Variants in USH1C observed in about 807,000 individuals in gnomAD.
USH1C encodes USH1 protein network component harmonin, also known as harmonin.
USH1C carries 90 observed loss-of-function variants against 119.3 expected under a neutral mutation model. The observed-to-expected ratio is 0.75, with a 90% CI of 0.64 to 0.90. The LOEUF is 0.90. USH1C is among the 40% of genes least tolerant of loss of function. USH1C has a pLI of 0.00. For synonymous variants in USH1C, 465 were observed against 443.3 expected (o/e 1.05, Z -0.62); for missense variants, 1,165 against 1,167.7 (o/e 1.00, Z 0.03).
intron 1 of USH1C, among the ~76,000 whole-genome samples, chr11:17,541,385 A>G (rs988714246): frequency 3.3e-5 from 5 of 152,200 alleles, no homozygotes; most frequent in African/African-American, 1.2e-4. Flanking sequence ...TTTATTGCCT[A>G]TGTGAATAAA....
intron 17 of USH1C, 93 bp downstream of exon 17, chr11:17,510,312 G>T (rs1373792826): frequency 1.9e-6 from 2 of 1,035,370 alleles, no homozygotes; most frequent in African/African-American, 1.6e-5. Flanking sequence ...GGCTAGTGAC[G>T]TTTGCTAGTT....
intron 14 of USH1C, among the ~76,000 whole-genome samples, chr11:17,520,461 G>A (rs567171837): frequency 1.3e-5 from 2 of 152,238 alleles, no homozygotes; most frequent in South Asian, 2.1e-4. Context: ...CTTCTCTGAT[G>A]TGAGGTCCTT....
chr11:17,508,896 C>T lies in USH1C; in HGVS notation c.2013+460G>A, dbSNP rs141457852. ...AGTGTTATCACTTCATTTACAGAGC[C>T]AAATACGCCCCTGCTTCCTCCTCCC... On this transcript the variant is annotated intron_variant, in intron 18 of 26. Coordinates refer to ENST00000005226, the MANE Select transcript of USH1C (RefSeq NM_153676.4). Among the ~76,000 whole-genome samples the T allele has an allele frequency of 5.6e-3, 860 of 152,288 alleles. 27 individuals are homozygous for T. Among genetic ancestry groups the T allele is most frequent in the Admixed American group, 0.049 (751 of 15,296 alleles).
intron 18 of USH1C, among the ~76,000 whole-genome samples, chr11:17,508,369 A>G (rs1849730227): frequency 6.6e-6 from 1 of 152,140 alleles, no homozygotes; most frequent in African/African-American, 2.4e-5. Flanking sequence ...AGCTCTCCTG[A>G]GTGCTCTGAG....
At chr11:17,503,484 G>A (rs1271585097) in intron 20 of USH1C, among the ~76,000 whole-genome samples, 1 of 152,188 alleles carries the variant, frequency 6.6e-6, no homozygotes, top group Admixed American at 6.5e-5. Context: ...AGAAACTGAG[G>A]CCCAGAGAGG....
At chr11:17,507,807 T>C (rs1397431315) in intron 18 of USH1C, among the ~76,000 whole-genome samples, 1 of 152,210 alleles carries the variant, frequency 6.6e-6, no homozygotes. Context: ...GCACTTGCAA[T>C]GCCCTTGCTC....
chr11:17,509,003 G>T (rs1298446011), intron 18 of USH1C, among the ~76,000 whole-genome samples: 1 of 152,146 alleles, frequency 6.6e-6, no homozygotes, highest in Non-Finnish European at 1.5e-5. Flanking sequence ...GACTGGATGT[G>T]ACAGAGTGCT....
chr11:17,529,221 A>C (rs181389007), intron 4 of USH1C, among the ~76,000 whole-genome samples: 1 of 152,374 alleles, frequency 6.6e-6, no homozygotes, highest in Admixed American at 6.5e-5. Flanking sequence ...CTAGGTCTGG[A>C]ATATACAGCA....
intron 1 of USH1C, among the ~76,000 whole-genome samples, chr11:17,535,322 G>T (rs1474161598): frequency 6.6e-6 from 1 of 151,796 alleles, no homozygotes; most frequent in Non-Finnish European, 1.5e-5. Flanking sequence ...CAGGGCCTTG[G>T]CGTATGCTTG....
chr11:17,496,639 G>A, intron 25 of USH1C, 119 bp downstream of exon 25: 3 of 1,247,766 alleles, frequency 2.4e-6, no homozygotes, highest in South Asian at 1.3e-5. Flanking sequence ...GCTATGAGAA[G>A]CTGCGTGCTT....
chr11:17,499,090 T>A (rs139597506), intron 23 of USH1C, among the ~76,000 whole-genome samples: 13 of 152,378 alleles, frequency 8.5e-5, no homozygotes, highest in African/African-American at 3.1e-4. Context: ...CAGTCTTGAA[T>A]GTGCTAACAT....
At chr11:17,512,203 GT>G in intron 15 of USH1C, 149 bp from the exon 16 acceptor site, 2 of 869,878 alleles carry the variant, frequency 2.3e-6, no homozygotes, top group Non-Finnish European at 3.7e-6. Flanking sequence ...CAGACCTCAG[GT>G]TTAGGACAGG....
chr11:17,542,535 A>C (rs1436364927), intron 1 of USH1C, among the ~76,000 whole-genome samples: 1 of 152,226 alleles, frequency 6.6e-6, no homozygotes, highest in African/African-American at 2.4e-5. Flanking sequence ...GGAAACGTGG[A>C]GGTCTGAGGC....
chr11:17,511,345 G>T (rs949011978), intron 16 of USH1C, among the ~76,000 whole-genome samples: 1 of 152,026 alleles, frequency 6.6e-6, no homozygotes, highest in Non-Finnish European at 1.5e-5. Flanking sequence ...GGGTGGGGGG[G>T]GGTCTGGTCT....
rs1851002167 is a variant in USH1C, at chr11:17,531,848, C to T, written c.105-306G>A. ...TGGGATCTTTCCAGAGGGGAAAGCT[C>T]TGTGTGAGATGCTGACAATTCCTCA... On this transcript the variant is annotated intron_variant, in intron 2 of 26. Coordinates refer to ENST00000005226, the MANE Select transcript of USH1C (RefSeq NM_153676.4). This position sits in a 1 kb window ranked among gnomAD's most constrained non-coding sequence, Gnocchi z 4.2. Among the ~76,000 whole-genome samples, 1 of 152,198 alleles carries T rather than the reference C, an allele frequency of 6.6e-6. No homozygotes were observed. The highest frequency in any genetic ancestry group is 1.5e-5 in the Non-Finnish European group (1 of 68,034).
rs543556404 is a variant in USH1C at position 17,522,998 on chromosome 11, C to T, written c.877-72G>A. On this transcript the variant is annotated intron_variant, in intron 11 of 26. Coordinates refer to ENST00000005226, the MANE Select transcript of USH1C (RefSeq NM_153676.4). ...GGATCCCCTGACACACCCCTGGGGG[C>T]CGAGATGCAGGTGGTCTTCTCAGCA... The T allele has an allele frequency of 2.6e-5, 42 of 1,595,952 alleles. No individual in the cohort carries two copies. In the African/African-American group the frequency reaches 5.0e-4, roughly 19 times the overall value.
At chr11:17,515,884 A>G (rs1484205771) in intron 15 of USH1C, among the ~76,000 whole-genome samples, 1 of 152,152 alleles carries the variant, frequency 6.6e-6, no homozygotes, top group Non-Finnish European at 1.5e-5. Flanking sequence ...CCACTCCGAT[A>G]ATTTGCTCTG....
intron 1 of USH1C, among the ~76,000 whole-genome samples, chr11:17,536,400 G>A (rs1305022407): frequency 1.3e-5 from 2 of 152,188 alleles, no homozygotes; most frequent in Non-Finnish European, 2.9e-5. Flanking sequence ...GCATTAGGTG[G>A]AAAACTGAGG....
chr11:17,496,619 A>G, intron 25 of USH1C, 139 bp downstream of exon 25: 3 of 1,075,882 alleles, frequency 2.8e-6, no homozygotes, highest in Non-Finnish European at 4.2e-6. Context: ...GGAGTTTTCT[A>G]GGAGCTCTGG....
Sources: gnomAD v4.1 joint callset for allele counts (sites outside exome capture counted in the v4.1 genomes callset) on GRCh38, gnomAD v4.1.1 for gene constraint, Gnocchi (gnomAD v3.1) non-coding constraint, MANE v1.5 for transcripts, NCBI Gene and HGNC (gene_info 2026-07-23, HGNC 2026-07-21) for gene names.